DRC11: variants seen among roughly 807,000 people sequenced by gnomAD.
DRC11 encodes dynein regulatory complex subunit 11, also known as IQ and AAA domain-containing protein 1.
the DRC11 span, among the ~76,000 whole-genome samples, chr2:236,311,693 G>GGTGC: frequency 4.8e-3 from 658 of 136,442 alleles, 3 homozygotes; most frequent in African/African-American, 0.02. The surrounding 1 kb of genome is among the most constrained non-coding windows in gnomAD (Gnocchi z 6.9). Flanking sequence ...AGCTGGATGG[G>GGTGC]GTGCGTGTGT....
the DRC11 span, among the ~76,000 whole-genome samples, chr2:236,357,316 T>G: frequency 8.6e-6 from 1 of 116,604 alleles, no homozygotes; most frequent in Non-Finnish European, 1.6e-5. Context: ...TAGATCTATA[T>G]ATTATATATA....
At chr2:236,397,419 TC>T in the DRC11 span, among the ~76,000 whole-genome samples, 1 of 151,914 alleles carries the variant, frequency 6.6e-6, no homozygotes, top group African/African-American at 2.4e-5. The surrounding 1 kb of genome is among the most constrained non-coding windows in gnomAD (Gnocchi z 5.0). Context: ...CAGCCACAAC[TC>T]CCCTCTGTGA....
the DRC11 span, among the ~76,000 whole-genome samples, chr2:236,459,661 A>G: frequency 0.011 from 1,129 of 107,116 alleles, 12 homozygotes; most frequent in Non-Finnish European, 0.017. Flanking sequence ...ATGTATATAC[A>G]TACGTATATA....
the DRC11 span, among the ~76,000 whole-genome samples, chr2:236,389,463 G>A: frequency 9.1e-4 from 139 of 152,314 alleles, no homozygotes; most frequent in African/African-American, 3.1e-3. Flanking sequence ...GACTCAGAAA[G>A]GGAACTCCCT....
At chr2:236,327,526 TGAGCC>T in the DRC11 span, among the ~76,000 whole-genome samples, 111 of 151,464 alleles carry the variant, frequency 7.3e-4, 1 homozygote, top group Non-Finnish European at 8.8e-4. Context: ...CTTACAGGCA[TGAGCC>T]ACCGTGTTCA....
chr2:236,325,979 T>C, the DRC11 span, among the ~76,000 whole-genome samples: 2 of 152,218 alleles, frequency 1.3e-5, no homozygotes, highest in Non-Finnish European at 2.9e-5. The surrounding 1 kb of genome is among the most constrained non-coding windows in gnomAD (Gnocchi z 4.4). Context: ...AGGCAGATAG[T>C]TGTTTTTCCT....
At chr2:236,351,636 G>A in the DRC11 span, among the ~76,000 whole-genome samples, 1 of 151,450 alleles carries the variant, frequency 6.6e-6, no homozygotes, top group Non-Finnish European at 1.5e-5. This position sits in a 1 kb window ranked among gnomAD's most constrained non-coding sequence, Gnocchi z 7.3. Flanking sequence ...GTGTAGAGGA[G>A]GATGTGGTGG....
chr2:236,357,674 A>C, the DRC11 span, among the ~76,000 whole-genome samples: 27 of 125,228 alleles, frequency 2.2e-4, no homozygotes, highest in South Asian at 6.4e-3. Flanking sequence ...ATACATAAAT[A>C]TATATTTACA....
At chr2:236,385,174 G>C in the DRC11 span, among the ~76,000 whole-genome samples, 1 of 151,576 alleles carries the variant, frequency 6.6e-6, no homozygotes, top group South Asian at 2.1e-4. Flanking sequence ...GAACTTTAAA[G>C]TAGTTTTTTC....
At chr2:236,487,943 G>A in the DRC11 span, 1 of 1,204,782 alleles carries the variant, frequency 8.3e-7, no homozygotes, top group East Asian at 3.0e-5. Context: ...AAATTGAGAT[G>A]TATCTTTAGT....
At chr2:236,490,793 G>T in the DRC11 span, among the ~76,000 whole-genome samples, 1 of 151,578 alleles carries the variant, frequency 6.6e-6, no homozygotes, top group African/African-American at 2.4e-5. The surrounding 1 kb of genome is among the most constrained non-coding windows in gnomAD (Gnocchi z 5.5). Flanking sequence ...TATATTGTGT[G>T]TGTGTCTGCA....
chr2:236,336,503 G>A, the DRC11 span, among the ~76,000 whole-genome samples: 4 of 151,072 alleles, frequency 2.6e-5, no homozygotes, highest in Admixed American at 1.3e-4. The surrounding 1 kb of genome is among the most constrained non-coding windows in gnomAD (Gnocchi z 7.3). Context: ...GCACCAGCAC[G>A]TCTGCTGCTC....
the DRC11 span, among the ~76,000 whole-genome samples, chr2:236,449,152 A>G: frequency 6.6e-6 from 1 of 152,118 alleles, no homozygotes; most frequent in Non-Finnish European, 1.5e-5. This position sits in a 1 kb window ranked among gnomAD's most constrained non-coding sequence, Gnocchi z 5.1. Flanking sequence ...GAGCCACTAC[A>G]CCCACTGGGT....
the DRC11 span, among the ~76,000 whole-genome samples, chr2:236,430,649 A>C: frequency 6.6e-6 from 1 of 152,236 alleles, no homozygotes; most frequent in African/African-American, 2.4e-5. The surrounding 1 kb of genome is among the most constrained non-coding windows in gnomAD (Gnocchi z 6.0). Flanking sequence ...ATGCATGCAA[A>C]TATCATTTTG....
the DRC11 span, among the ~76,000 whole-genome samples, chr2:236,501,980 A>T: frequency 6.6e-6 from 1 of 152,168 alleles, no homozygotes; most frequent in African/African-American, 2.4e-5. Context: ...CAGTCCAGCA[A>T]AACCCCAGCT....
At chr2:236,453,382 G>A in the DRC11 span, among the ~76,000 whole-genome samples, 2 of 152,192 alleles carry the variant, frequency 1.3e-5, no homozygotes, top group East Asian at 3.8e-4. The surrounding 1 kb of genome is among the most constrained non-coding windows in gnomAD (Gnocchi z 4.9). Context: ...TCATATTTAT[G>A]AAACACAAAG....
chr2:236,369,789 C>T, the DRC11 span, among the ~76,000 whole-genome samples: 1 of 152,228 alleles, frequency 6.6e-6, no homozygotes, highest in Non-Finnish European at 1.5e-5. This position sits in a 1 kb window ranked among gnomAD's most constrained non-coding sequence, Gnocchi z 4.5. Context: ...CATGCCCCTT[C>T]CCATCCGTGC....
chr2:236,486,067 G>GC, the DRC11 span, among the ~76,000 whole-genome samples: 4 of 152,200 alleles, frequency 2.6e-5, no homozygotes, highest in Admixed American at 6.5e-5. This position sits in a 1 kb window ranked among gnomAD's most constrained non-coding sequence, Gnocchi z 5.7. Flanking sequence ...ATTCTGAGCA[G>GC]CCCCCCTCTC....
At chr2:236,357,284 ATT>A in the DRC11 span, among the ~76,000 whole-genome samples, 1 of 108,882 alleles carries the variant, frequency 9.2e-6, no homozygotes, top group Non-Finnish European at 1.8e-5. Context: ...TATATTATAT[ATT>A]TATATATTAT....
Sources: allele counts gnomAD v4.1 joint callset (sites outside exome capture counted in the v4.1 genomes callset), GRCh38; gene constraint gnomAD v4.1.1; non-coding constraint Gnocchi (gnomAD v3.1); transcripts MANE v1.5; gene names NCBI Gene and HGNC (gene_info 2026-07-23, HGNC 2026-07-21).